Variants in CERS3 observed in about 807,000 individuals in gnomAD.
The protein encoded by CERS3 is LAG1 homolog, ceramide synthase 3.
In CERS3, 33 loss-of-function variants were observed where a neutral mutation model predicts 50.3. The observed-to-expected ratio is 0.66, with a 90% CI of 0.50 to 0.88. The LOEUF (loss-of-function observed/expected upper bound fraction) is 0.88, where lower values mean the gene tolerates loss of function less well. Among genes scored for constraint, CERS3 ranks in the 40% least tolerant of loss-of-function variants. The pLI, the probability that CERS3 is intolerant of heterozygous loss-of-function variation, is 0.00. For synonymous variants in CERS3, 176 were observed against 155.2 expected (o/e 1.13, Z -0.99); for missense variants, 470 against 460.3 (o/e 1.02, Z -0.19).
At position 100,493,428 on chromosome 15, in the gene CERS3, C is replaced by T. The variant is rs368069366; in HGVS notation, c.174-2497G>A. ...CGATTCCTAATCATAATGAGAATTC[C>T]TTGTATGTGATGAGTTGTTCCACTC... On this transcript the variant is annotated intron_variant, in intron 3 of 11. Transcript: ENST00000679737. 1.1e-4 allele frequency among the ~76,000 whole-genome samples: 16 copies of T among 152,206 alleles called. No individual in the cohort carries two copies. The South Asian group carries it at 2.7e-3, about 26-fold the overall frequency.
At chr15:100,525,016 A>T (rs1426479882) in intron 1 of CERS3, among the ~76,000 whole-genome samples, 1 of 152,198 alleles carries the variant, frequency 6.6e-6, no homozygotes, top group Non-Finnish European at 1.5e-5. Flanking sequence ...CCTTAATGTA[A>T]TATTTTACCT....
upstream of CERS3, among the ~76,000 whole-genome samples, chr15:100,530,938 G>C (rs189549807): frequency 6.6e-6 from 1 of 152,082 alleles, no homozygotes; most frequent in Admixed American, 6.5e-5. Flanking sequence ...CAAAAAATGA[G>C]CTGGGCATGG....
intron 11 of CERS3, among the ~76,000 whole-genome samples, chr15:100,433,682 TC>T (rs993381105): frequency 2.6e-5 from 4 of 152,126 alleles, no homozygotes; most frequent in Non-Finnish European, 5.9e-5. Flanking sequence ...GCCCAGGGTA[TC>T]CCCAGATCCT....
intron 11 of CERS3, among the ~76,000 whole-genome samples, chr15:100,410,792 A>G (rs2031420584): frequency 6.6e-6 from 1 of 152,236 alleles, no homozygotes; most frequent in African/African-American, 2.4e-5. Context: ...CATTGTCTAA[A>G]GTCCTTTTTA....
intron 11 of CERS3, among the ~76,000 whole-genome samples, chr15:100,416,579 C>G (rs548883029): frequency 2.0e-5 from 3 of 152,268 alleles, no homozygotes; most frequent in South Asian, 4.1e-4. Flanking sequence ...AACTTACAAT[C>G]GTGGCATAAG....
intron 2 of CERS3, among the ~76,000 whole-genome samples, chr15:100,521,147 C>T (rs1369620343): frequency 2.0e-5 from 3 of 152,216 alleles, no homozygotes; most frequent in African/African-American, 7.2e-5. Context: ...AACTCCTCCC[C>T]TCTACGTTAC....
intron 11 of CERS3, among the ~76,000 whole-genome samples, chr15:100,404,790 A>C (rs952839981): frequency 6.6e-6 from 1 of 152,176 alleles, no homozygotes; most frequent in African/African-American, 2.4e-5. Flanking sequence ...GATCAGTGGA[A>C]CAGAATGGAG....
At chr15:100,464,575 A>T (rs948943906) in intron 10 of CERS3, among the ~76,000 whole-genome samples, 4 of 152,184 alleles carry the variant, frequency 2.6e-5, no homozygotes, top group Non-Finnish European at 5.9e-5. Context: ...GTGGAGGAAA[A>T]CTGTTAGTAG....
chr15:100,524,684 G>T (rs2036735825), intron 1 of CERS3, among the ~76,000 whole-genome samples: 1 of 152,134 alleles, frequency 6.6e-6, no homozygotes, highest in African/African-American at 2.4e-5. Context: ...TGTCAAACAA[G>T]AAAACAAACT....
chr15:100,533,838 G>A (rs575070561), upstream of CERS3, among the ~76,000 whole-genome samples: 13 of 152,278 alleles, frequency 8.5e-5, no homozygotes, highest in East Asian at 9.6e-4. Context: ...GATTACAGGC[G>A]TGAGCCACCA....
chr15:100,462,787 A>G (rs2034592858), intron 10 of CERS3, among the ~76,000 whole-genome samples: 1 of 152,218 alleles, frequency 6.6e-6, no homozygotes, highest in Admixed American at 6.5e-5. Flanking sequence ...GTTCCAGATG[A>G]ATGACAGCTA....
chr15:100,418,607 G>A (rs1049738771), intron 11 of CERS3, among the ~76,000 whole-genome samples: 2 of 141,596 alleles, frequency 1.4e-5, no homozygotes, highest in Admixed American at 1.5e-4. Context: ...CTCGAGAAGA[G>A]CAACTCCAAG....
chr15:100,525,424 A>C (rs74042224), intron 1 of CERS3, among the ~76,000 whole-genome samples: 3,460 of 152,304 alleles, frequency 0.023, 150 homozygotes, highest in African/African-American at 0.079. Context: ...CATATTTGGG[A>C]AAGGTAAAAT....
At chr15:100,426,802 C>T (rs1334327423) in intron 11 of CERS3, among the ~76,000 whole-genome samples, 1 of 152,228 alleles carries the variant, frequency 6.6e-6, no homozygotes, top group South Asian at 2.1e-4. Context: ...CTCCCCTTAA[C>T]ACCACCTTTT....
intron 11 of CERS3, among the ~76,000 whole-genome samples, chr15:100,423,096 A>AGG (rs373226731): frequency 3.2e-5 from 1 of 31,500 alleles, no homozygotes; most frequent in Non-Finnish European, 9.0e-5. Flanking sequence ...TAAAAAAAAA[A>AGG]TGTTAAAAAA....
At chr15:100,527,622 T>G (rs2036832758) in intron 1 of CERS3, among the ~76,000 whole-genome samples, 1 of 152,238 alleles carries the variant, frequency 6.6e-6, no homozygotes, top group Non-Finnish European at 1.5e-5. Context: ...AGCTGTGGCT[T>G]TCTCACATCC....
In CERS3 at chr15:100,479,488, GAAAA is replaced by G; in HGVS notation, c.466-14_466-11del. 1 of 1,211,640 alleles carries G rather than the reference GAAAA, an allele frequency of 8.3e-7. No homozygotes were observed. The highest frequency in any genetic ancestry group is 1.1e-6 in the Non-Finnish European group (1 of 900,028). 75.1% of individuals were successfully genotyped at this position (1,211,640 alleles called of 1,614,324 possible). On this transcript the variant is annotated splice_polypyrimidine_tract_variant and intron_variant, in intron 6 of 11. Transcript: ENST00000679737. ...CATATAGCCAAGGTTTCTGAAAGAA[GAAAA>G]AAAAAAAGAGCCAACAGATGAGAAA...
intron 11 of CERS3, among the ~76,000 whole-genome samples, chr15:100,403,334 T>C (rs964575465): frequency 2.0e-5 from 3 of 152,142 alleles, no homozygotes; most frequent in African/African-American, 7.2e-5. Context: ...CAATTTCAGC[T>C]TCAACTTTAA....
At chr15:100,440,928 C>G (rs780379639) in intron 11 of CERS3, among the ~76,000 whole-genome samples, 1 of 152,204 alleles carries the variant, frequency 6.6e-6, no homozygotes, top group Non-Finnish European at 1.5e-5. Context: ...AAAACTCCGG[C>G]ACTGGTCACG....
Sources: gnomAD v4.1 joint callset for allele counts (sites outside exome capture counted in the v4.1 genomes callset) on GRCh38, gnomAD v4.1.1 for gene constraint, MANE v1.5 for transcripts, NCBI Gene and HGNC (gene_info 2026-07-23, HGNC 2026-07-21) for gene names.